PPL: variants seen among roughly 807,000 people sequenced by gnomAD.
PPL encodes the protein periplakin.
Under a neutral mutation model 194.4 loss-of-function variants are expected in PPL, and 198 were observed. The observed-to-expected ratio is 1.02, with a 90% CI of 0.91 to 1.15. PPL has a LOEUF of 1.15. PPL is among the 50% of genes most tolerant of loss of function. The pLI, the probability that PPL is intolerant of heterozygous loss-of-function variation, is 0.00. For missense variants in PPL, 2,885 were observed against 2,294.8 expected (o/e 1.26, Z -5.25); for synonymous variants, 1,220 against 972.4 (o/e 1.25, Z -4.74).
At position 4,902,794 on chromosome 16, in the gene PPL, A is replaced by T. The variant is rs1040513847; in HGVS notation, c.318-268T>A. On this transcript the variant is annotated intron_variant, in intron 3 of 21. Transcript: ENST00000345988. The surrounding 1 kb of genome is among the most constrained non-coding windows in gnomAD (Gnocchi z 4.0). Reference sequence around the variant, plus strand: ...AGCCTCCGCCTCCCAGGTTCAAGCAATTCTCCTGCCTCAACCTCCCGAGTA... The same window carrying T: ...AGCCTCCGCCTCCCAGGTTCAAGCATTTCTCCTGCCTCAACCTCCCGAGTA... Among the ~76,000 whole-genome samples, 19 of 151,896 alleles carry T rather than the reference A, an allele frequency of 1.3e-4. No individual in the cohort carries two copies. The highest frequency in any genetic ancestry group is 4.6e-4 in the African/African-American group (19 of 41,356).
At position 4,884,884 on chromosome 16, in the gene PPL, GTCCACGATCT is replaced by G; in HGVS notation, c.3761_3770del (p.Glu1254AlafsTer5). On this transcript the variant is annotated frameshift_variant, in exon 22 of 22. Coordinates refer to ENST00000345988, the MANE Select transcript of PPL (RefSeq NM_002705.5). LOFTEE classifies it high-confidence loss of function. The surrounding 1 kb of genome is among the most constrained non-coding windows in gnomAD (Gnocchi z 5.7). ...CACACCTTTCGATCAGTCTGGTCTT[GTCCACGATCT>G]CCTCCCTGAGCCGCTGAAGCTCCTT... The G allele has an allele frequency of 6.2e-7, 1 of 1,614,014 alleles. No homozygotes were observed. The highest frequency in any genetic ancestry group is 8.5e-7 in the Non-Finnish European group (1 of 1,180,022).
intron 1 of PPL, among the ~76,000 whole-genome samples, chr16:4,930,644 C>T (rs536175767): frequency 2.0e-5 from 3 of 152,084 alleles, no homozygotes; most frequent in Admixed American, 6.6e-5. Context: ...ATAAGAGCTA[C>T]CAAGGAGAAG....
intron 2 of PPL, among the ~76,000 whole-genome samples, chr16:4,904,389 G>C (rs916696742): frequency 4.6e-5 from 7 of 152,168 alleles, no homozygotes; most frequent in Admixed American, 3.3e-4. Context: ...AACCCAGTCT[G>C]CAAGGCCACC....
chr16:4,886,870 C>T (rs1353646560), intron 21 of PPL, among the ~76,000 whole-genome samples: 2 of 152,214 alleles, frequency 1.3e-5, no homozygotes, highest in Admixed American at 6.5e-5. Context: ...CCGCCTGCCT[C>T]GGCCTCCCAA....
At chr16:4,893,836 T>A in intron 12 of PPL, 198 bp from the exon 13 acceptor site, 1 of 577,350 alleles carries the variant, frequency 1.7e-6, no homozygotes, top group Non-Finnish European at 3.1e-6. Flanking sequence ...TTCCCTCCTC[T>A]TTCGTAGGAA....
rs751144976 is a variant in PPL at position 4,897,647 on chromosome 16, T to TG, written c.972+27dup. Reference sequence around the variant, plus strand: ...TCTCAGAGAGTAGCACCCCCGGTGCTGGGGGGACTCCCAGGAAAGGTAAGT... The same window carrying TG: ...TCTCAGAGAGTAGCACCCCCGGTGCTGGGGGGGACTCCCAGGAAAGGTAAGT... On this transcript the variant is annotated intron_variant, in intron 9 of 21. Transcript: ENST00000345988. 26 of 1,571,724 alleles carry TG rather than the reference T, an allele frequency of 1.7e-5. 1 individual carries two copies. In the South Asian group the frequency reaches 2.6e-4, roughly 15 times the overall value.
intron 1 of PPL, among the ~76,000 whole-genome samples, chr16:4,919,954 T>A (rs1280969872): frequency 6.6e-6 from 1 of 151,210 alleles, no homozygotes; most frequent in Non-Finnish European, 1.5e-5. Context: ...AAAAAAAGTG[T>A]ATTTGTGGGG....
rs148207473 is a variant in PPL, at chr16:4,885,027, G to A, written c.3628C>T (p.Arg1210Trp). The change falls in exon 22 of 22, where the codon CGG (arginine) becomes TGG (tryptophan). Residue 1210 changes from arginine to tryptophan, a missense_variant. Coordinates refer to ENST00000345988, the MANE Select transcript of PPL (RefSeq NM_002705.5). The surrounding 1 kb of genome is among the most constrained non-coding windows in gnomAD (Gnocchi z 6.3). ...GCCTCCAGCTCACTCTGGTAGCTCC[G>A]GAGCTGCTCCTCGGCACCCCGGTAC... ...RKYRGAEEQL[R>W]SYQSELEALR... 2.7e-5 allele frequency: 44 copies of A among 1,613,656 alleles called. No individual in the cohort carries two copies. Among genetic ancestry groups the A allele is most frequent in the South Asian group, 2.4e-4 (22 of 91,068 alleles).
intron 8 of PPL, among the ~76,000 whole-genome samples, chr16:4,898,432 A>G (rs1319853060): frequency 6.6e-6 from 1 of 152,212 alleles, no homozygotes; most frequent in Non-Finnish European, 1.5e-5. Context: ...TTATTTGGGA[A>G]TAAGATCTTT....
At chr16:4,890,539 G>A (rs2088299319) in intron 17 of PPL, among the ~76,000 whole-genome samples, 189 bp downstream of exon 17, 3 of 152,206 alleles carry the variant, frequency 2.0e-5, no homozygotes, top group African/African-American at 7.2e-5. Context: ...TTGCAGAGAT[G>A]CCCATTGTGG....
Position 4,885,612 on chromosome 16 carries a change from C to T in PPL, c.3043G>A (p.Glu1015Lys), listed in dbSNP as rs766386109. Residue 1015 changes from glutamate (E) to lysine (K), a missense_variant, in exon 22 of 22, where the codon GAG (glutamate) becomes AAG (lysine). Coordinates refer to ENST00000345988, the MANE Select transcript of PPL (RefSeq NM_002705.5). This position sits in a 1 kb window ranked among gnomAD's most constrained non-coding sequence, Gnocchi z 6.3. ...TGCCGCCTCAGTGCCTCCAGCTCCT[C>T]CCGCAGCTGCAAGACCTCATCCGCC... ...AQADEVLQLR[E>K]ELEALRRQKG... The T allele has an allele frequency of 1.2e-6, 2 of 1,612,690 alleles. No individual in the cohort carries two copies. The highest frequency in any genetic ancestry group is 2.2e-5 in the South Asian group (2 of 91,050).
At chr16:4,914,747 G>A (rs2088886246) in intron 1 of PPL, among the ~76,000 whole-genome samples, 1 of 152,204 alleles carries the variant, frequency 6.6e-6, no homozygotes, top group African/African-American at 2.4e-5. Context: ...GTTTGGCGGG[G>A]TGGCCAGGAA....
At chr16:4,933,531 A>T (rs2089252062) in intron 1 of PPL, among the ~76,000 whole-genome samples, 1 of 152,150 alleles carries the variant, frequency 6.6e-6, no homozygotes, top group Admixed American at 6.5e-5. Flanking sequence ...CTCCTCTGTG[A>T]AGTCCTCCCT....
intron 2 of PPL, among the ~76,000 whole-genome samples, chr16:4,909,184 CAG>C (rs1431529509): frequency 6.6e-6 from 1 of 152,098 alleles, no homozygotes; most frequent in Non-Finnish European, 1.5e-5. Context: ...TGGCAGAGAA[CAG>C]AGTCTCCACT....
intron 1 of PPL, among the ~76,000 whole-genome samples, chr16:4,929,952 C>T (rs747235495): frequency 6.6e-5 from 10 of 152,030 alleles, no homozygotes; most frequent in South Asian, 2.1e-4. Flanking sequence ...CCTCCCAAAG[C>T]GCTAGGACAA....
chr16:4,927,082 A>C (rs908756141), intron 1 of PPL, among the ~76,000 whole-genome samples: 3 of 152,178 alleles, frequency 2.0e-5, no homozygotes, highest in African/African-American at 7.2e-5. Flanking sequence ...GAGTAGGTTC[A>C]AACACATTAG....
At position 4,895,320 on chromosome 16, in the gene PPL, G is replaced by A. The variant is rs754371593; in HGVS notation, c.1183C>T (p.Arg395Trp). 58 of 1,613,204 alleles carry A rather than the reference G, an allele frequency of 3.6e-5. No homozygotes were observed. The highest frequency in any genetic ancestry group is 2.5e-4 in the South Asian group (23 of 91,080). The change falls in exon 11 of 22, where the codon CGG becomes TGG. Residue 395 changes from arginine (R) to tryptophan (W), a missense_variant. Arg to Trp is a moderately radical substitution (Grantham distance 101). Coordinates refer to ENST00000345988, the MANE Select transcript of PPL (RefSeq NM_002705.5). ...GGGATGGGCTTGAGCGGAGTCTCCC[G>A]GCGGTACTTGAGGGGCACCACCTGC... ...GQQVVPLKYRRETPLKPIPVE... is the reference protein window; with the variant it reads ...GQQVVPLKYRWETPLKPIPVE...
chr16:4,893,293 CCTT>C lies in PPL; in HGVS notation c.1567_1569del (p.Lys523del), dbSNP rs1020543545. 2 of 1,604,968 alleles carry C rather than the reference CCTT, an allele frequency of 1.2e-6. No individual in the cohort carries two copies. Among genetic ancestry groups the C allele is most frequent in the Non-Finnish European group, 1.7e-6 (2 of 1,178,330 alleles). On this transcript the variant is annotated inframe_deletion, in exon 14 of 22. Coordinates refer to ENST00000345988, the MANE Select transcript of PPL (RefSeq NM_002705.5). ...GGTGGCCGCAGGATCCCTGTGATGG[CCTT>C]CTCCTGCCGGTCCAGGTCGCTGGCC...
chr16:4,888,860 C>T (rs2088260996), intron 19 of PPL, 118 bp downstream of exon 19: 2 of 985,630 alleles, frequency 2.0e-6, no homozygotes, highest in Non-Finnish European at 3.2e-6. Flanking sequence ...CCGGCAGTGC[C>T]TCGGATGGCC....
Sources: allele counts gnomAD v4.1 joint callset (sites outside exome capture counted in the v4.1 genomes callset), GRCh38; gene constraint gnomAD v4.1.1; non-coding constraint Gnocchi (gnomAD v3.1); transcripts MANE v1.5; gene names NCBI Gene and HGNC (gene_info 2026-07-23, HGNC 2026-07-21).